The following GABRB3 variants were observed in gnomAD, a reference collection of about 807,000 sequenced individuals.
The protein encoded by GABRB3 is gamma-aminobutyric acid receptor subunit beta-3.
In GABRB3, 14 loss-of-function variants were observed where a neutral mutation model predicts 52.1. That is an observed-to-expected ratio of 0.27 (90% confidence interval 0.18 to 0.42). The LOEUF (loss-of-function observed/expected upper bound fraction) is 0.42. GABRB3 is among the 10% of genes least tolerant of loss of function. The pLI, the probability that GABRB3 is intolerant of heterozygous loss-of-function variation, is 1.00. For synonymous variants in GABRB3, 260 were observed against 232.3 expected (o/e 1.12, Z -1.08); for missense variants, 307 against 609.1 (o/e 0.50, Z 5.22).
Position 26,615,978 on chromosome 15 carries a change from T to G in GABRB3, c.461+5336A>C, listed in dbSNP as rs983735649. 5.4e-6 allele frequency: 7 copies of G among 1,289,176 alleles called. No individual in the cohort carries two copies. In the Admixed American group the frequency reaches 1.6e-4, roughly 30 times the overall value. The allele number at this position is 1,289,176 out of a possible 1,614,324, so 79.9% of individuals were successfully genotyped here. ...CAGGAACAGCAGGAACAACCCCAGC[T>G]CTCTGCAAACCTTCCACCATGGGGA... On this transcript the variant is annotated intron_variant, in intron 4 of 8. Transcript: ENST00000311550.
intron 4 of GABRB3, among the ~76,000 whole-genome samples, chr15:26,610,089 G>A (rs143494017): frequency 1.1e-4 from 16 of 152,252 alleles, no homozygotes; most frequent in African/African-American, 3.4e-4. Context: ...TCATGATTGC[G>A]TGATCTGCTT....
At chr15:26,686,224 C>G (rs759700854) in intron 3 of GABRB3, among the ~76,000 whole-genome samples, 1 of 152,130 alleles carries the variant, frequency 6.6e-6, no homozygotes, top group Non-Finnish European at 1.5e-5. Flanking sequence ...GGATTACAGG[C>G]GTGAGCCACT....
intron 7 of GABRB3, among the ~76,000 whole-genome samples, chr15:26,566,370 T>C (rs965078414): frequency 6.6e-6 from 1 of 152,176 alleles, no homozygotes; most frequent in Non-Finnish European, 1.5e-5. Context: ...TACACACATG[T>C]ACTTACATTT....
At chr15:26,601,180 T>C (rs2140500477) in intron 4 of GABRB3, among the ~76,000 whole-genome samples, 1 of 152,202 alleles carries the variant, frequency 6.6e-6, no homozygotes, top group Admixed American at 6.5e-5. Flanking sequence ...GCCCAGCACT[T>C]TGGGAGGCCG....
At chr15:26,693,942 G>A (rs1321949347) in intron 3 of GABRB3, among the ~76,000 whole-genome samples, 1 of 152,070 alleles carries the variant, frequency 6.6e-6, no homozygotes, top group African/African-American at 2.4e-5. Flanking sequence ...CTTCCAGCAG[G>A]AAGAGAGGAA....
At chr15:26,745,849 G>A (rs1435487882) in intron 3 of GABRB3, among the ~76,000 whole-genome samples, 1 of 152,220 alleles carries the variant, frequency 6.6e-6, no homozygotes, top group Admixed American at 6.5e-5. Flanking sequence ...CTTGTTTAAC[G>A]ATTCACAATT....
chr15:26,676,516 G>A (rs889338772), intron 3 of GABRB3, among the ~76,000 whole-genome samples: 4 of 152,170 alleles, frequency 2.6e-5, no homozygotes, highest in African/African-American at 9.7e-5. Flanking sequence ...ACACACAGGT[G>A]CACAGGGGCA....
At chr15:26,557,550 T>A (rs1345725076) in intron 8 of GABRB3, 1 of 152,208 alleles carries the variant, frequency 6.6e-6, no homozygotes, top group Non-Finnish European at 1.5e-5. Context: ...TGATATAAAC[T>A]TTTTGGGAGT....
intron 3 of GABRB3, among the ~76,000 whole-genome samples, chr15:26,720,533 G>A (rs537255414): frequency 2.0e-5 from 3 of 152,184 alleles, no homozygotes; most frequent in Non-Finnish European, 2.9e-5. Flanking sequence ...GGACCCAGAC[G>A]GTCAGGTTTT....
At chr15:26,638,621 GT>G (rs755036053) in intron 3 of GABRB3, among the ~76,000 whole-genome samples, 2 of 152,138 alleles carry the variant, frequency 1.3e-5, no homozygotes, top group Non-Finnish European at 2.9e-5. Flanking sequence ...CTCTTTCCTT[GT>G]TTCCTAATCC....
chr15:26,554,229 T>G (rs2140663582), intron 8 of GABRB3, among the ~76,000 whole-genome samples: 3 of 102,082 alleles, frequency 2.9e-5, no homozygotes, highest in Admixed American at 1.3e-4. Flanking sequence ...AGGTCTCTCT[T>G]TGTTGCCTAG....
intron 7 of GABRB3, among the ~76,000 whole-genome samples, chr15:26,561,979 A>G (rs1341164845): frequency 2.0e-5 from 3 of 152,184 alleles, no homozygotes. Context: ...AATTCTTTAC[A>G]TAGTATTGTA....
chr15:26,759,674 C>T (rs1890760717), intron 3 of GABRB3, among the ~76,000 whole-genome samples: 1 of 152,242 alleles, frequency 6.6e-6, no homozygotes, highest in Non-Finnish European at 1.5e-5. Context: ...ACGATACTGA[C>T]CACACCCCTG....
chr15:26,577,844 T>G (rs1890648769), intron 6 of GABRB3, among the ~76,000 whole-genome samples: 1 of 152,168 alleles, frequency 6.6e-6, no homozygotes, highest in African/African-American at 2.4e-5. Flanking sequence ...TGGACTGCAG[T>G]GGTACAATCA....
At chr15:26,557,015 CAG>C in intron 8 of GABRB3, among the ~76,000 whole-genome samples, 1 of 152,264 alleles carries the variant, frequency 6.6e-6, no homozygotes, top group Non-Finnish European at 1.5e-5. Flanking sequence ...ATAGTAAAGA[CAG>C]AGTATCAATC....
rs551963854 is a variant in GABRB3 at position 26,570,805 on chromosome 15, AT to A, written c.683-3073del. ...CAAATGTAAGTAATCACCCTCTTGA[AT>A]TTTTTTTCTCATTCATATTATTATA... is the stretch of plus-strand genomic sequence containing the variant. On this transcript the variant is annotated intron_variant, in intron 6 of 8. Coordinates refer to ENST00000311550, the MANE Select transcript of GABRB3 (RefSeq NM_000814.6). Among the ~76,000 whole-genome samples the A allele has an allele frequency of 1.1e-4, 16 of 151,852 alleles. No homozygotes were observed. The South Asian group carries it at 2.7e-3, about 26-fold the overall frequency.
intron 3 of GABRB3, among the ~76,000 whole-genome samples, chr15:26,669,214 T>G (rs1595520197): frequency 6.6e-6 from 1 of 152,174 alleles, no homozygotes; most frequent in East Asian, 1.9e-4. Context: ...TCCTGCCCTT[T>G]CCTTGCCACA....
At chr15:26,615,486 G>GA (rs908652059) in intron 4 of GABRB3, 2 of 976,338 alleles carry the variant, frequency 2.0e-6, no homozygotes, top group South Asian at 4.7e-5. Context: ...AGAGTCATGG[G>GA]AAAAATGGCT....
At chr15:26,719,688 G>T (rs548152661) in intron 3 of GABRB3, among the ~76,000 whole-genome samples, 35 of 152,166 alleles carry the variant, frequency 2.3e-4, no homozygotes, top group Non-Finnish European at 4.7e-4. Flanking sequence ...CATGAAATAC[G>T]TCAGATCATC....
Sources: gnomAD v4.1 joint callset for allele counts (sites outside exome capture counted in the v4.1 genomes callset) on GRCh38, gnomAD v4.1.1 for gene constraint, MANE v1.5 for transcripts, NCBI Gene and HGNC (gene_info 2026-07-23, HGNC 2026-07-21) for gene names.